CNKSR3: variants seen among roughly 807,000 people sequenced by gnomAD.
CNKSR3 encodes CNKSR family member 3.
A neutral mutation model predicts 67.7 loss-of-function variants in CNKSR3; 36 were observed. The ratio of observed to expected loss-of-function variants is 0.53; its 90% confidence interval spans 0.41 to 0.70. The LOEUF (loss-of-function observed/expected upper bound fraction) is 0.70. Ranked by LOEUF, CNKSR3 falls within the 30% of genes least tolerant of loss-of-function variation. The pLI is 0.00. For synonymous variants in CNKSR3, 281 were observed against 271.4 expected (o/e 1.04, Z -0.35); for missense variants, 630 against 695.2 (o/e 0.91, Z 1.05).
chr6:154,492,187 T>C (rs1015192819), intron 1 of CNKSR3, among the ~76,000 whole-genome samples: 4 of 152,180 alleles, frequency 2.6e-5, no homozygotes. Flanking sequence ...TTCGCTTGCC[T>C]CTGGCCATCA....
At chr6:154,453,307 G>C (rs11963449) in intron 1 of CNKSR3, among the ~76,000 whole-genome samples, 3,164 of 152,288 alleles carry the variant, frequency 0.021, 62 homozygotes, top group African/African-American at 0.046. Flanking sequence ...CTTTAGAACA[G>C]TAAGGAAATG....
chr6:154,464,861 G>A (rs1786160304), intron 1 of CNKSR3, among the ~76,000 whole-genome samples: 1 of 152,014 alleles, frequency 6.6e-6, no homozygotes, highest in Admixed American at 6.6e-5. Context: ...TGGTCTGTGG[G>A]CCCAGCACTG....
intron 1 of CNKSR3, among the ~76,000 whole-genome samples, chr6:154,454,104 C>CACACACACACAG (rs1268729108): frequency 8.6e-6 from 1 of 116,290 alleles, no homozygotes; most frequent in African/African-American, 3.4e-5. Flanking sequence ...CACACACACA[C>CACACACACACAG]AGAGAGAGAG....
intron 1 of CNKSR3, among the ~76,000 whole-genome samples, chr6:154,486,365 G>C (rs1021270931): frequency 6.6e-6 from 1 of 150,752 alleles, no homozygotes; most frequent in Admixed American, 6.6e-5. Flanking sequence ...GTGCGATCTC[G>C]GCTCATGGCA....
intron 9 of CNKSR3, among the ~76,000 whole-genome samples, chr6:154,419,827 C>G (rs1322707782): frequency 6.6e-6 from 1 of 152,152 alleles, no homozygotes; most frequent in African/African-American, 2.4e-5. Flanking sequence ...CGCCTGTAAT[C>G]CTAGCACTTT....
rs1199414445 is a variant in CNKSR3 at position 154,392,762 on chromosome 6, C to T, written c.*13592G>A. The T allele has an allele frequency of 6.6e-6, 1 of 152,190 alleles. No homozygotes were observed. Among genetic ancestry groups the T allele is most frequent in the East Asian group, 1.9e-4 (1 of 5,194 alleles). 9.4% of individuals were successfully genotyped at this position (152,190 alleles called of 1,614,324 possible). On this transcript the variant is annotated 3_prime_UTR_variant, in exon 13 of 13. Coordinates refer to ENST00000607772, the MANE Select transcript of CNKSR3 (RefSeq NM_173515.4). ...CGGCAGCAGCAGAATGGGGTCTAAG[C>T]CTTGCATTTGATGAGACTTCACTGC...
chr6:154,470,183 CTTTCCT>C lies in CNKSR3; in HGVS notation c.53-19931_53-19926del, dbSNP rs1562347508. Among the ~76,000 whole-genome samples, 6 of 108,242 alleles carry C rather than the reference CTTTCCT, an allele frequency of 5.5e-5. No individual in the cohort carries two copies. The East Asian group carries it at 8.6e-4, about 16-fold the overall frequency. 71.0% of individuals were successfully genotyped at this position (108,242 alleles called of 152,430 possible). On this transcript the variant is annotated intron_variant, in intron 1 of 12. Transcript: ENST00000607772. ...ACTCCTGTAATAAAGAACCTACTTT[CTTTCCT>C]TTTTTTTTTTTTTTTTTTTTTTTTT...
chr6:154,435,878 G>T (rs1345841752), intron 4 of CNKSR3, among the ~76,000 whole-genome samples: 1 of 152,250 alleles, frequency 6.6e-6, no homozygotes, highest in Non-Finnish European at 1.5e-5. Context: ...CTAAAATGGG[G>T]TGATAACAAA....
Position 154,393,979 on chromosome 6 carries a change from C to T in CNKSR3, c.*12375G>A, listed in dbSNP as rs1013802997. ...AGACCACTCATCCTGACCAATATCA[C>T]TCTCCCAACCTTCCTTGAAGTTGCA... On this transcript the variant is annotated 3_prime_UTR_variant, in exon 13 of 13. Coordinates refer to ENST00000607772, the MANE Select transcript of CNKSR3 (RefSeq NM_173515.4). The T allele has an allele frequency of 6.6e-6, 1 of 152,226 alleles. No individual in the cohort carries two copies. The highest frequency in any genetic ancestry group is 2.4e-5 in the African/African-American group (1 of 41,456). The allele number at this position is 152,226 out of a possible 1,614,324, so 9.4% of individuals were successfully genotyped here.
intron 7 of CNKSR3, among the ~76,000 whole-genome samples, chr6:154,425,711 A>C (rs1386547135): frequency 1.6e-5 from 2 of 124,744 alleles, no homozygotes; most frequent in Non-Finnish European, 3.5e-5. Context: ...CTGGCCTCTC[A>C]GGTAACCTTC....
rs961619970 is a variant in CNKSR3 at position 154,390,710 on chromosome 6, G to A, written c.*15644C>T. ...TGCCATAACAAAATACCACAGACTG[G>A]GTAGCTTAAACAACAGAAATGTGTC... On this transcript the variant is annotated 3_prime_UTR_variant, in exon 13 of 13. Coordinates refer to ENST00000607772, the MANE Select transcript of CNKSR3 (RefSeq NM_173515.4). 5 of 152,080 alleles carry A rather than the reference G, an allele frequency of 3.3e-5. No homozygotes were observed. The highest frequency in any genetic ancestry group is 2.6e-4 in the Admixed American group (4 of 15,260). 9.4% of individuals were successfully genotyped at this position (152,080 alleles called of 1,614,324 possible). A position where few individuals can be genotyped will look rare whatever the true frequency, so the allele number is the denominator to read the frequency against.
intron 1 of CNKSR3, among the ~76,000 whole-genome samples, chr6:154,459,873 G>A (rs117568564): frequency 0.013 from 1,986 of 152,334 alleles, 19 homozygotes; most frequent in Non-Finnish European, 0.019. Flanking sequence ...ACAGTCAGAC[G>A]GGCTGCCCTC....
intron 1 of CNKSR3, among the ~76,000 whole-genome samples, chr6:154,487,235 T>C (rs549263107): frequency 1.3e-5 from 2 of 152,314 alleles, no homozygotes; most frequent in South Asian, 2.1e-4. Context: ...AACTACCCCG[T>C]TGGAAGATGT....
intron 1 of CNKSR3, among the ~76,000 whole-genome samples, chr6:154,494,747 C>A (rs1180985541): frequency 6.6e-6 from 1 of 152,090 alleles, no homozygotes; most frequent in Non-Finnish European, 1.5e-5. Flanking sequence ...CCCTACACAC[C>A]CCCGTTCCTC....
intron 1 of CNKSR3, among the ~76,000 whole-genome samples, chr6:154,486,298 TC>T (rs1297842616): frequency 1.3e-5 from 2 of 150,078 alleles, no homozygotes; most frequent in African/African-American, 4.9e-5. Context: ...TCTCTCTTTT[TC>T]TTTTTTTTTT....
rs1476094961 is a variant in CNKSR3, at chr6:154,411,129, T to C, written c.1084A>G (p.Ser362Gly). ...TTACTGGACCCTCCATAAACAAAAC[T>C]GCCATTCTCATCCCTGGAAGATAAT... Reference protein sequence around the residue: ...VPYSPRDENGSFVYGGSSKCK... With the variant: ...VPYSPRDENGGFVYGGSSKCK... Residue 362 changes from serine to glycine, a missense_variant, in exon 11 of 13, where the codon AGT becomes GGT. Physicochemically the swap from Ser to Gly is moderately conservative, Grantham distance 56. Transcript: ENST00000607772. 2 of 1,610,462 alleles carry C rather than the reference T, an allele frequency of 1.2e-6. No homozygotes were observed. Among genetic ancestry groups the C allele is most frequent in the South Asian group, 1.1e-5 (1 of 90,832 alleles).
chr6:154,470,595 A>G (rs1201419940), intron 1 of CNKSR3, among the ~76,000 whole-genome samples: 1 of 152,168 alleles, frequency 6.6e-6, no homozygotes, highest in African/African-American at 2.4e-5. Context: ...AGGTTTATCT[A>G]TGTTGCAGCC....
Position 154,510,487 on chromosome 6 carries a change from C to G in CNKSR3, c.-373G>C. Reference sequence around the variant, plus strand: ...GACCACTTCCTCGGATCTCTCGAGGCGCGATCGGCTCTCCCTCGGCCGGTC... The same window carrying G: ...GACCACTTCCTCGGATCTCTCGAGGGGCGATCGGCTCTCCCTCGGCCGGTC... On this transcript the variant is annotated 5_prime_UTR_variant, in exon 1 of 13. Transcript: ENST00000607772. The G allele has an allele frequency of 3.6e-6, 1 of 278,878 alleles. No homozygotes were observed. The highest frequency in any genetic ancestry group is 6.7e-6 in the Non-Finnish European group (1 of 148,304). The allele number at this position is 278,878 out of a possible 1,614,324, so 17.3% of individuals were successfully genotyped here.
chr6:154,422,819 G>T, intron 8 of CNKSR3, 96 bp downstream of exon 8: 1 of 1,195,374 alleles, frequency 8.4e-7, no homozygotes, highest in Non-Finnish European at 1.2e-6. Context: ...TGAAAAATAG[G>T]ATATAAGCGG....
Sources: gnomAD v4.1 joint callset for allele counts (sites outside exome capture counted in the v4.1 genomes callset) on GRCh38, gnomAD v4.1.1 for gene constraint, MANE v1.5 for transcripts, NCBI Gene and HGNC (gene_info 2026-07-23, HGNC 2026-07-21) for gene names.